Variants in PPP1R21 observed in about 807,000 individuals in gnomAD.
The protein encoded by PPP1R21 is KLRAQ motif containing 1.
In PPP1R21, 85 loss-of-function variants were observed where a neutral mutation model predicts 112.8. That is an observed-to-expected ratio of 0.75 (90% CI 0.63 to 0.90). The LOEUF (loss-of-function observed/expected upper bound fraction) is 0.90, where lower values mean the gene tolerates loss of function less well. PPP1R21 is among the 40% of genes least tolerant of loss of function. The pLI is 0.00. For synonymous variants in PPP1R21, 381 were observed against 322.3 expected, an observed-to-expected ratio of 1.18 and a Z score of -1.95; for missense variants, 1,199 against 901.5, an observed-to-expected ratio of 1.33 and a Z score of -4.23.
At chr2:48,461,375 G>A in intron 7 of PPP1R21, 143 bp downstream of exon 7, 1 of 1,252,756 alleles carries the variant, frequency 8.0e-7, no homozygotes, top group Non-Finnish European at 1.0e-6. Flanking sequence ...CATTTGATCA[G>A]CCGTGGTAAT....
Position 48,465,550 on chromosome 2 carries a change from G to A in PPP1R21, c.805G>A (p.Ala269Thr), listed in dbSNP as rs1668161885. 1 of 1,613,852 alleles carries A rather than the reference G, an allele frequency of 6.2e-7. No individual in the cohort carries two copies. Among genetic ancestry groups the A allele is most frequent in the Non-Finnish European group, 8.5e-7 (1 of 1,179,866 alleles). ...ALAFVQDLVTALLNFHTYTEQ... is the reference protein window; with the variant it reads ...ALAFVQDLVTTLLNFHTYTEQ... ...GGCTTTTGTTCAGGATCTTGTGACG[G>A]CTCTTCTAAACTTTCATACCTACAC... The change falls in exon 9 of 22, where the codon GCT becomes ACT. Residue 269 changes from alanine (A) to threonine (T), a missense_variant. By Grantham distance (58) the Ala-to-Thr change is moderately conservative (BLOSUM62 0). Transcript: ENST00000294952.
intron 1 of PPP1R21, among the ~76,000 whole-genome samples, chr2:48,449,389 A>C (rs958754725): frequency 3.3e-5 from 5 of 152,224 alleles, no homozygotes; most frequent in African/African-American, 1.2e-4. Context: ...CCCATTCTAT[A>C]GACCATATAG....
At chr2:48,501,791 A>G (rs998086398) in intron 17 of PPP1R21, 10 of 152,096 alleles carry the variant, frequency 6.6e-5, no homozygotes, top group African/African-American at 2.2e-4. Flanking sequence ...CCTGGACAAC[A>G]GATTGAGGCC....
intron 9 of PPP1R21, among the ~76,000 whole-genome samples, chr2:48,466,150 C>G (rs1021781529): frequency 6.6e-6 from 1 of 152,074 alleles, no homozygotes; most frequent in Admixed American, 6.6e-5. Context: ...CGTTTGGGAA[C>G]TGTGGGAGCT....
chr2:48,502,676 CTTTTTTTTTT>C (rs762811938), intron 17 of PPP1R21, among the ~76,000 whole-genome samples: 1 of 94,042 alleles, frequency 1.1e-5, no homozygotes, highest in Admixed American at 1.1e-4. Flanking sequence ...AGAAACTTTT[CTTTTTTTTTT>C]TTTTTTTTTT....
At position 48,454,712 on chromosome 2, in the gene PPP1R21, C is replaced by T; in HGVS notation, c.244C>T (p.Leu82=). 1 of 1,614,096 alleles carries T rather than the reference C, an allele frequency of 6.2e-7. No individual in the cohort carries two copies. The highest frequency in any genetic ancestry group is 8.5e-7 in the Non-Finnish European group (1 of 1,179,992). Residue 82 remains leucine (L), a synonymous_variant, in exon 3 of 22, where the codon CTA becomes TTA. Coordinates refer to ENST00000294952, the MANE Select transcript of PPP1R21 (RefSeq NM_001135629.3). ...AGAACTACTTCAAGATGAACTAGCT[C>T]TAAGTGAACCACGAGGCAAGAAAAA... ...RVELLQDELA[L]SEPRGKKNKK... is the part of the protein sequence containing the mutation.
chr2:48,493,711 C>T (rs1330428274), intron 15 of PPP1R21, among the ~76,000 whole-genome samples: 1 of 152,016 alleles, frequency 6.6e-6, no homozygotes, highest in Non-Finnish European at 1.5e-5. Context: ...AGCTGGTTGT[C>T]CTTGTACCGT....
chr2:48,509,802 T>A (rs1670549853), intron 19 of PPP1R21, among the ~76,000 whole-genome samples: 1 of 152,210 alleles, frequency 6.6e-6, no homozygotes, highest in South Asian at 2.1e-4. Flanking sequence ...GTTGGTAGAC[T>A]TTTTTCCCCT....
intron 13 of PPP1R21, among the ~76,000 whole-genome samples, chr2:48,483,665 A>G (rs999312792): frequency 3.9e-5 from 6 of 152,170 alleles, no homozygotes; most frequent in Middle Eastern, 6.3e-3. Context: ...GTAATGCACA[A>G]TGAGAAACAG....
At chr2:48,450,148 T>C (rs1258276837) in intron 1 of PPP1R21, among the ~76,000 whole-genome samples, 2 of 152,196 alleles carry the variant, frequency 1.3e-5, no homozygotes. Context: ...AAGGCATCTC[T>C]CACCTCTCCA....
At chr2:48,465,906 T>C (rs1427323088) in intron 9 of PPP1R21, among the ~76,000 whole-genome samples, 1 of 152,124 alleles carries the variant, frequency 6.6e-6, no homozygotes, top group Non-Finnish European at 1.5e-5. Flanking sequence ...AAGAGGTTTA[T>C]TAGACTTACA....
chr2:48,486,960 C>T (rs1409438295), intron 14 of PPP1R21, among the ~76,000 whole-genome samples: 1 of 152,170 alleles, frequency 6.6e-6, no homozygotes, highest in African/African-American at 2.4e-5. Flanking sequence ...GCTATGTTGC[C>T]AGGCTTGACT....
chr2:48,474,926 G>T, intron 12 of PPP1R21, 107 bp downstream of exon 12: 1 of 953,132 alleles, frequency 1.0e-6, no homozygotes. Context: ...ATAGGATCTG[G>T]CATCAGGAAA....
At chr2:48,459,722 T>C (rs766419616) in intron 4 of PPP1R21, 32 bp from the exon 5 acceptor site, 9 of 1,602,024 alleles carry the variant, frequency 5.6e-6, no homozygotes, top group Non-Finnish European at 7.7e-6. Flanking sequence ...ATTAGGATAT[T>C]GTGAGAAGAG....
intron 1 of PPP1R21, among the ~76,000 whole-genome samples, chr2:48,446,083 T>C (rs150077825): frequency 2.0e-5 from 3 of 152,174 alleles, no homozygotes; most frequent in Admixed American, 6.5e-5. Context: ...TTTATAGGGT[T>C]GTAAAATATG....
intron 2 of PPP1R21, among the ~76,000 whole-genome samples, chr2:48,451,388 C>T (rs1327893200): frequency 1.3e-5 from 2 of 152,228 alleles, no homozygotes; most frequent in Non-Finnish European, 2.9e-5. Flanking sequence ...CAGTTGTCAT[C>T]ACAGACAGCT....
chr2:48,453,222 G>A (rs1236133091), intron 2 of PPP1R21, among the ~76,000 whole-genome samples: 1 of 152,186 alleles, frequency 6.6e-6, no homozygotes, highest in Non-Finnish European at 1.5e-5. Flanking sequence ...CCAAAGTGCT[G>A]GGATTATAGG....
chr2:48,459,761 A>G lies in PPP1R21; in HGVS notation c.383A>G (p.Glu128Gly). The G allele has an allele frequency of 6.2e-7, 1 of 1,608,162 alleles. No individual in the cohort carries two copies. The highest frequency in any genetic ancestry group is 8.5e-7 in the Non-Finnish European group (1 of 1,178,420). Residue 128 changes from glutamate to glycine, a missense_variant, in exon 5 of 22, where the codon GAA (glutamate) becomes GGA (glycine). Physicochemically the swap from Glu to Gly is moderately conservative, Grantham distance 98. Coordinates refer to ENST00000294952, the MANE Select transcript of PPP1R21 (RefSeq NM_001135629.3). ...ATGGTCTTCTCTTTTTAGTTTTTTGAAGCTGATGAGCAGCACAAGCATGTG... is the reference window on the plus strand; with the variant it reads ...ATGGTCTTCTCTTTTTAGTTTTTTGGAGCTGATGAGCAGCACAAGCATGTG... The part of the protein sequence containing the change: ...ENERLHIQFF[E>G]ADEQHKHVEA...
chr2:48,483,195 CTTTTTTTTT>C (rs755036470), intron 13 of PPP1R21, among the ~76,000 whole-genome samples: 3 of 80,890 alleles, frequency 3.7e-5, no homozygotes, highest in African/African-American at 1.0e-4. Flanking sequence ...CTTTTTTTTC[CTTTTTTTTT>C]TTTTTTTTTT....
Sources: allele counts gnomAD v4.1 joint callset (sites outside exome capture counted in the v4.1 genomes callset), GRCh38; gene constraint gnomAD v4.1.1; transcripts MANE v1.5; gene names NCBI Gene and HGNC (gene_info 2026-07-23, HGNC 2026-07-21).